FYN: variants seen among roughly 807,000 people sequenced by gnomAD.
FYN encodes the protein tyrosine-protein kinase Fyn.
Under a neutral mutation model 70.2 loss-of-function variants are expected in FYN, and 10 were observed. The ratio of observed to expected loss-of-function variants is 0.14; its 90% confidence interval spans 0.09 to 0.24. FYN has a LOEUF of 0.24. Among genes scored for constraint, FYN ranks in the 10% least tolerant of loss-of-function variants. The pLI is 1.00. For missense variants in FYN, 319 were observed against 673.1 expected, an observed-to-expected ratio of 0.47 and a Z score of 5.82; for synonymous variants, 236 against 248.6, an observed-to-expected ratio of 0.95 and a Z score of 0.48.
rs199841493 is a variant in FYN at position 111,736,912 on chromosome 6, T to G, written c.-11-16850A>C. Reference sequence around the variant, plus strand: ...AATTAGTGGATCTGCATAACTCTTATAGAAGAGACTGATTATTTATACCAT... The same window carrying G: ...AATTAGTGGATCTGCATAACTCTTAGAGAAGAGACTGATTATTTATACCAT... On this transcript the variant is annotated intron_variant, in intron 3 of 13. Coordinates refer to ENST00000354650, the MANE Select transcript of FYN (RefSeq NM_002037.5). Among the ~76,000 whole-genome samples the G allele has an allele frequency of 2.6e-5, 4 of 152,232 alleles. No individual in the cohort carries two copies. In the East Asian group the frequency reaches 7.7e-4, roughly 29 times the overall value.
intron 2 of FYN, among the ~76,000 whole-genome samples, chr6:111,812,479 G>A (rs1465269580): frequency 6.6e-6 from 1 of 151,908 alleles, no homozygotes; most frequent in Non-Finnish European, 1.5e-5. Context: ...GTGGAACTGT[G>A]TGAAGAAAAA....
chr6:111,850,627 A>G (rs982895092), intron 1 of FYN, among the ~76,000 whole-genome samples: 1 of 152,220 alleles, frequency 6.6e-6, no homozygotes, highest in African/African-American at 2.4e-5. Flanking sequence ...CTCTGCCATA[A>G]TTCCAAAGAA....
intron 2 of FYN, among the ~76,000 whole-genome samples, chr6:111,830,712 C>A (rs955289639): frequency 6.6e-6 from 1 of 151,824 alleles, no homozygotes; most frequent in African/African-American, 2.4e-5. Context: ...TCTATAAATT[C>A]TCTGGGAGAT....
chr6:111,699,731 C>T, intron 9 of FYN: 1 of 1,491,698 alleles, frequency 6.7e-7, no homozygotes, highest in Non-Finnish European at 9.1e-7. Context: ...TATGCATGCA[C>T]TAGGAAAGAT....
chr6:111,693,575 G>T lies in FYN; in HGVS notation c.1273+800C>A, dbSNP rs553999614. ...CCTGAAAAGCTGCCCCACTGGAATGGCTGCTGAGTTGGGATATATTTTACT... is the reference window on the plus strand; with the variant it reads ...CCTGAAAAGCTGCCCCACTGGAATGTCTGCTGAGTTGGGATATATTTTACT... On this transcript the variant is annotated intron_variant, in intron 12 of 13. Transcript: ENST00000354650. Among the ~76,000 whole-genome samples, 32 of 152,230 alleles carry T rather than the reference G, an allele frequency of 2.1e-4. No homozygotes were observed. The South Asian group carries it at 6.6e-3, about 32-fold the overall frequency.
At chr6:111,785,268 C>A (rs1175312341) in intron 2 of FYN, among the ~76,000 whole-genome samples, 1 of 152,242 alleles carries the variant, frequency 6.6e-6, no homozygotes, top group Non-Finnish European at 1.5e-5. Context: ...ATCTCTAGAT[C>A]TATCTCCCAT....
chr6:111,804,500 G>A (rs542965182), intron 2 of FYN, among the ~76,000 whole-genome samples: 1 of 152,196 alleles, frequency 6.6e-6, no homozygotes, highest in Non-Finnish European at 1.5e-5. Context: ...TCCAGAAGGA[G>A]GTAAAACTTT....
intron 2 of FYN, among the ~76,000 whole-genome samples, chr6:111,824,687 T>C (rs1268738225): frequency 6.6e-6 from 1 of 152,178 alleles, no homozygotes; most frequent in Non-Finnish European, 1.5e-5. Context: ...TTTATTTGCT[T>C]AGGTTTGGGT....
chr6:111,729,579 T>C (rs1409722126), intron 3 of FYN, among the ~76,000 whole-genome samples: 4 of 152,172 alleles, frequency 2.6e-5, no homozygotes, highest in African/African-American at 9.7e-5. Context: ...TATGAAGTAT[T>C]ATTTATCATT....
chr6:111,786,732 T>A (rs1771403569), intron 2 of FYN, among the ~76,000 whole-genome samples: 1 of 152,306 alleles, frequency 6.6e-6, no homozygotes, highest in South Asian at 2.1e-4. Context: ...ACCTGTTCTT[T>A]CCTGACTTTT....
chr6:111,688,862 G>A (rs1199327619), intron 12 of FYN, among the ~76,000 whole-genome samples: 1 of 152,006 alleles, frequency 6.6e-6, no homozygotes, highest in Non-Finnish European at 1.5e-5. Context: ...CGCTGTGTCC[G>A]GGGTGAGGGG....
chr6:111,822,969 C>T (rs1772719998), intron 2 of FYN, among the ~76,000 whole-genome samples: 1 of 152,126 alleles, frequency 6.6e-6, no homozygotes, highest in South Asian at 2.1e-4. Flanking sequence ...AATACAACTG[C>T]AGCAGGGTAA....
chr6:111,670,499 A>G (rs1328142552), intron 13 of FYN, among the ~76,000 whole-genome samples: 6 of 152,190 alleles, frequency 3.9e-5, no homozygotes, highest in Non-Finnish European at 7.4e-5. Flanking sequence ...AGAAGAATGG[A>G]AGTCTATGAG....
chr6:111,695,188 A>G (rs942140794), intron 10 of FYN, among the ~76,000 whole-genome samples: 1 of 152,222 alleles, frequency 6.6e-6, no homozygotes, highest in African/African-American at 2.4e-5. Flanking sequence ...TAAATCAGAA[A>G]CTTTGAAGGT....
chr6:111,793,036 CA>C (rs1390131953), intron 2 of FYN, among the ~76,000 whole-genome samples: 1 of 151,892 alleles, frequency 6.6e-6, no homozygotes, highest in African/African-American at 2.4e-5. Context: ...TGCTACATTT[CA>C]ATTAAAAAAA....
At chr6:111,762,689 G>A (rs76930279) in intron 3 of FYN, among the ~76,000 whole-genome samples, 3,288 of 152,168 alleles carry the variant, frequency 0.022, 51 homozygotes, top group Non-Finnish European at 0.036. Context: ...TCTCTTGTGG[G>A]GGAAGTCTGC....
intron 3 of FYN, among the ~76,000 whole-genome samples, chr6:111,764,575 C>A (rs1803153398): frequency 6.6e-6 from 1 of 152,180 alleles, no homozygotes; most frequent in South Asian, 2.1e-4. Flanking sequence ...GCAGATGACA[C>A]AGCGTGAGAA....
chr6:111,747,505 G>A (rs1802280521), intron 3 of FYN, among the ~76,000 whole-genome samples: 1 of 152,220 alleles, frequency 6.6e-6, no homozygotes, highest in Non-Finnish European at 1.5e-5. Flanking sequence ...AATTTACTAT[G>A]AAAACCAGAC....
intron 5 of FYN, among the ~76,000 whole-genome samples, chr6:111,712,038 G>T (rs1800403988): frequency 1.3e-5 from 2 of 152,174 alleles, no homozygotes; most frequent in African/African-American, 4.8e-5. Flanking sequence ...TCACAAAATA[G>T]AGATTGAGAC....
Sources: allele counts gnomAD v4.1 joint callset (sites outside exome capture counted in the v4.1 genomes callset), GRCh38; gene constraint gnomAD v4.1.1; transcripts MANE v1.5; gene names NCBI Gene and HGNC (gene_info 2026-07-23, HGNC 2026-07-21).